CTNND2: variants seen among roughly 807,000 people sequenced by gnomAD.
CTNND2 encodes catenin delta-2.
A neutral mutation model predicts 144.4 loss-of-function variants in CTNND2; 22 were observed. The ratio of observed to expected loss-of-function variants is 0.15; its 90% CI spans 0.11 to 0.22. The LOEUF (loss-of-function observed/expected upper bound fraction) is 0.22. Ranked by LOEUF, CTNND2 falls within the 10% of genes least tolerant of loss-of-function variation. The pLI is 1.00. For missense variants in CTNND2, 1,353 were observed against 1,618.8 expected (o/e 0.84, Z 2.82); for synonymous variants, 751 against 695.6 (o/e 1.08, Z -1.25).
intron 9 of CTNND2, among the ~76,000 whole-genome samples, chr5:11,337,112 C>T (rs533622247): frequency 1.3e-5 from 2 of 152,314 alleles, no homozygotes; most frequent in South Asian, 2.1e-4. Context: ...AAGCACAGAA[C>T]CTTCTTTGCA....
At chr5:11,800,555 A>AC (rs1791622594) in intron 1 of CTNND2, among the ~76,000 whole-genome samples, 1 of 152,114 alleles carries the variant, frequency 6.6e-6, no homozygotes, top group South Asian at 2.1e-4. Context: ...CTGTGATACT[A>AC]CTGTGTGCCA....
chr5:10,974,029 A>G (rs142989439), intron 21 of CTNND2, among the ~76,000 whole-genome samples: 187 of 152,388 alleles, frequency 1.2e-3, no homozygotes, highest in Non-Finnish European at 1.6e-3. Context: ...TTGTGCAACC[A>G]TCACCACCAT....
chr5:11,758,332 C>A (rs982920510), intron 1 of CTNND2, among the ~76,000 whole-genome samples: 10 of 151,738 alleles, frequency 6.6e-5, no homozygotes, highest in African/African-American at 2.4e-4. Context: ...ACATTTATAA[C>A]CATAAATTTT....
intron 11 of CTNND2, among the ~76,000 whole-genome samples, chr5:11,172,357 T>A (rs879448197): frequency 6.6e-6 from 1 of 152,234 alleles, no homozygotes; most frequent in Non-Finnish European, 1.5e-5. Flanking sequence ...GAGTTTCATA[T>A]GTGAGATCTT....
intron 9 of CTNND2, among the ~76,000 whole-genome samples, chr5:11,277,600 G>A (rs1261061747): frequency 6.6e-6 from 1 of 151,500 alleles, no homozygotes; most frequent in African/African-American, 2.4e-5. Flanking sequence ...GGTACGATCT[G>A]AACTCACTGC....
intron 1 of CTNND2, among the ~76,000 whole-genome samples, chr5:11,736,374 C>T (rs1206919205): frequency 6.6e-6 from 1 of 152,214 alleles, no homozygotes; most frequent in Non-Finnish European, 1.5e-5. Flanking sequence ...GTGGAATCTT[C>T]AAGGCTTATT....
chr5:11,174,441 C>T (rs1247466534), intron 11 of CTNND2, among the ~76,000 whole-genome samples: 1 of 152,102 alleles, frequency 6.6e-6, no homozygotes, highest in African/African-American at 2.4e-5. Flanking sequence ...TGTAGTTGCA[C>T]AAACTGTTAA....
At chr5:11,789,129 A>T (rs1791005129) in intron 1 of CTNND2, among the ~76,000 whole-genome samples, 1 of 152,170 alleles carries the variant, frequency 6.6e-6, no homozygotes, top group Non-Finnish European at 1.5e-5. Flanking sequence ...TGGGACTGTA[A>T]ACTAGTCGAC....
intron 2 of CTNND2, among the ~76,000 whole-genome samples, chr5:11,726,134 G>C (rs1377820711): frequency 6.6e-6 from 1 of 151,970 alleles, no homozygotes; most frequent in Non-Finnish European, 1.5e-5. Context: ...GTCTGTCAAA[G>C]CAGACCCAAT....
At chr5:11,787,876 G>A (rs1561796618) in intron 1 of CTNND2, among the ~76,000 whole-genome samples, 1 of 152,158 alleles carries the variant, frequency 6.6e-6, no homozygotes, top group Non-Finnish European at 1.5e-5. Context: ...CTTTTCCTTA[G>A]AAGTGCAAAT....
chr5:11,455,733 A>C (rs1402931115), intron 3 of CTNND2, among the ~76,000 whole-genome samples: 1 of 152,202 alleles, frequency 6.6e-6, no homozygotes, highest in Non-Finnish European at 1.5e-5. Flanking sequence ...AAGTGGATGA[A>C]AAAAGATGAC....
At chr5:11,785,697 G>T (rs1429513775) in intron 1 of CTNND2, among the ~76,000 whole-genome samples, 1 of 152,084 alleles carries the variant, frequency 6.6e-6, no homozygotes, top group Non-Finnish European at 1.5e-5. Flanking sequence ...AATCTACCTT[G>T]CAGAAAGAAG....
At chr5:11,376,324 G>GTGTGTGTGTGTGTGTGTGTTCATGTATC (rs1561299013) in intron 7 of CTNND2, among the ~76,000 whole-genome samples, 5 of 149,240 alleles carry the variant, frequency 3.4e-5, no homozygotes, top group Admixed American at 1.3e-4. Flanking sequence ...GTGTGTGTGT[G>GTGTGTGTGTGTGTGTGTGTTCATGTATC]TGTGTGTGTG....
chr5:11,000,633 GAAT>G (rs1257183862), intron 18 of CTNND2, among the ~76,000 whole-genome samples: 1 of 152,208 alleles, frequency 6.6e-6, no homozygotes, highest in Admixed American at 6.5e-5. Flanking sequence ...CTATTCTCAT[GAAT>G]ATCTTTTCAC....
chr5:11,605,256 A>G (rs549295420), intron 2 of CTNND2, among the ~76,000 whole-genome samples: 1 of 152,218 alleles, frequency 6.6e-6, no homozygotes, highest in African/African-American at 2.4e-5. Flanking sequence ...GAACATACAC[A>G]TATGAAAGCA....
At chr5:11,556,551 A>G (rs1229660736) in intron 3 of CTNND2, among the ~76,000 whole-genome samples, 1 of 152,200 alleles carries the variant, frequency 6.6e-6, no homozygotes, top group African/African-American at 2.4e-5. Context: ...TAATATATTA[A>G]CTGGAAATCA....
chr5:11,875,762 A>T (rs1469718867), intron 1 of CTNND2, among the ~76,000 whole-genome samples: 1 of 152,228 alleles, frequency 6.6e-6, no homozygotes, highest in African/African-American at 2.4e-5. Flanking sequence ...AGTCACCCAG[A>T]CTACGGTATT....
At chr5:11,712,524 T>C (rs1451509575) in intron 2 of CTNND2, among the ~76,000 whole-genome samples, 1 of 152,162 alleles carries the variant, frequency 6.6e-6, no homozygotes, top group Non-Finnish European at 1.5e-5. Flanking sequence ...ATAAAGGGCA[T>C]ACAGCAGTGT....
At chr5:11,400,983 G>C (rs1263465310) in intron 5 of CTNND2, among the ~76,000 whole-genome samples, 1 of 152,204 alleles carries the variant, frequency 6.6e-6, no homozygotes, top group Non-Finnish European at 1.5e-5. Context: ...TGTGTAAACA[G>C]AAATCCACTT....
Sources: allele counts gnomAD v4.1 joint callset (sites outside exome capture counted in the v4.1 genomes callset), GRCh38; gene constraint gnomAD v4.1.1; transcripts MANE v1.5; gene names NCBI Gene and HGNC (gene_info 2026-07-23, HGNC 2026-07-21).